The following COL5A1 variants were observed in gnomAD, a reference collection of about 807,000 sequenced individuals.
The protein encoded by COL5A1 is collagen alpha-1(V) chain.
COL5A1 carries 16 observed loss-of-function variants against 263.7 expected under a neutral mutation model. The observed-to-expected ratio is 0.06, with a 90% CI of 0.04 to 0.09. The LOEUF (loss-of-function observed/expected upper bound fraction) is 0.09. Among genes scored for constraint, COL5A1 ranks in the 10% least tolerant of loss-of-function variants. The probability of loss-of-function intolerance (pLI) is 1.00; values close to 1 mark genes in which losing one functional copy is unlikely to be tolerated. For missense variants in COL5A1, 2,036 were observed against 2,540.5 expected (o/e 0.80, Z 4.27); for synonymous variants, 1,012 against 1,004.5 (o/e 1.01, Z -0.14).
intron 18 of COL5A1, among the ~76,000 whole-genome samples, chr9:134,760,898 C>T (rs1220031067): frequency 6.7e-6 from 1 of 149,954 alleles, no homozygotes; most frequent in Non-Finnish European, 1.5e-5. Context: ...CCCACACACG[C>T]ATACACACAT....
At chr9:134,787,686 ATTCCC>A (rs1175229525) in intron 31 of COL5A1, among the ~76,000 whole-genome samples, 2 of 152,232 alleles carry the variant, frequency 1.3e-5, no homozygotes, top group African/African-American at 2.4e-5. Flanking sequence ...ATTTGCATTC[ATTCCC>A]AACTCTGCAA....
At chr9:134,776,577 GGGTGGCAGTGAT>G (rs1342959183) in intron 27 of COL5A1, among the ~76,000 whole-genome samples, 1 of 152,214 alleles carries the variant, frequency 6.6e-6, no homozygotes, top group Non-Finnish European at 1.5e-5. Flanking sequence ...AGTTTGGCCC[GGGTGGCAGTGAT>G]GGTGGCAGGG....
rs1387743648 is a variant in COL5A1 at position 134,652,674 on chromosome 9, T to C, written c.109+10378T>C. 2 of 470,600 alleles carry C rather than the reference T, an allele frequency of 4.2e-6. No homozygotes were observed. The highest frequency in any genetic ancestry group is 2.0e-5 in the African/African-American group (1 of 50,044). The allele number at this position is 470,600 out of a possible 1,614,324, so 29.2% of individuals were successfully genotyped here. ...CCCGGAGGCTGCAGGAATCGTGGGA[T>C]AGAGGAAGCAAAGGTGAGATTCCGT... On this transcript the variant is annotated intron_variant, in intron 1 of 65. Coordinates refer to ENST00000371817, the MANE Select transcript of COL5A1 (RefSeq NM_000093.5). This position sits in a 1 kb window ranked among gnomAD's most constrained non-coding sequence, Gnocchi z 4.4.
intron 26 of COL5A1, among the ~76,000 whole-genome samples, chr9:134,774,506 G>A (rs926336260): frequency 1.3e-5 from 2 of 152,216 alleles, no homozygotes; most frequent in Admixed American, 6.5e-5. Context: ...AGGACCTTAG[G>A]CTGGGAATGC....
intron 64 of COL5A1, among the ~76,000 whole-genome samples, chr9:134,831,650 G>C (rs1839633347): frequency 3.3e-5 from 5 of 152,182 alleles, no homozygotes. Flanking sequence ...GTTACCGCCT[G>C]CGCTTGGCAC....
chr9:134,787,884 G>A (rs1054180602), intron 31 of COL5A1, among the ~76,000 whole-genome samples: 1 of 152,204 alleles, frequency 6.6e-6, no homozygotes, highest in Non-Finnish European at 1.5e-5. Flanking sequence ...TGGTGGCAGG[G>A]GAGGGAGCAT....
At chr9:134,759,450 C>G (rs1382209932) in intron 18 of COL5A1, among the ~76,000 whole-genome samples, 4 of 119,684 alleles carry the variant, frequency 3.3e-5, no homozygotes, top group Non-Finnish European at 6.4e-5. Flanking sequence ...CCCACACCCA[C>G]ACACTCATAC....
At chr9:134,656,016 G>T (rs923399952) in intron 1 of COL5A1, among the ~76,000 whole-genome samples, 2 of 152,180 alleles carry the variant, frequency 1.3e-5, no homozygotes, top group Non-Finnish European at 2.9e-5. Context: ...AGCAAAGGAG[G>T]GTGGGCAGGT....
At chr9:134,668,808 C>T (rs947755291) in intron 1 of COL5A1, among the ~76,000 whole-genome samples, 2 of 152,068 alleles carry the variant, frequency 1.3e-5, no homozygotes, top group African/African-American at 4.8e-5. Flanking sequence ...ACTGTTCATC[C>T]ACCTGTCCAC....
intron 42 of COL5A1, among the ~76,000 whole-genome samples, chr9:134,808,123 G>T (rs1417998656): frequency 6.6e-6 from 1 of 152,190 alleles, no homozygotes; most frequent in African/African-American, 2.4e-5. Flanking sequence ...AGTTTGAGGA[G>T]CAGGACATGA....
intron 64 of COL5A1, among the ~76,000 whole-genome samples, chr9:134,832,491 G>C (rs1025197363): frequency 6.6e-6 from 1 of 152,222 alleles, no homozygotes; most frequent in Non-Finnish European, 1.5e-5. Flanking sequence ...GAATACTGCA[G>C]AGAATCCCTC....
Position 134,758,340 on chromosome 9 carries a change from A to C in COL5A1, c.1935+44A>C. ...AGACACAGGCATGACGATGGGCAGC[A>C]GAGGTGTCTCTCGGGAGGCCCTTCT... On this transcript the variant is annotated intron_variant, in intron 18 of 65. Coordinates refer to ENST00000371817, the MANE Select transcript of COL5A1 (RefSeq NM_000093.5). This position sits in a 1 kb window ranked among gnomAD's most constrained non-coding sequence, Gnocchi z 4.1. The C allele has an allele frequency of 6.3e-7, 1 of 1,597,106 alleles. No homozygotes were observed. Among genetic ancestry groups the C allele is most frequent in the Non-Finnish European group, 8.6e-7 (1 of 1,164,682 alleles).
intron 32 of COL5A1, among the ~76,000 whole-genome samples, chr9:134,793,159 C>T (rs1837779034): frequency 6.6e-6 from 1 of 151,420 alleles, no homozygotes; most frequent in South Asian, 2.1e-4. Flanking sequence ...GGAGGGATCC[C>T]AGGAGCCCCT....
intron 4 of COL5A1, among the ~76,000 whole-genome samples, chr9:134,702,939 A>G (rs952238667): frequency 1.3e-5 from 2 of 152,220 alleles, no homozygotes; most frequent in African/African-American, 4.8e-5. Flanking sequence ...CCCTTATAGG[A>G]AGCCCCGGCT....
At chr9:134,710,755 G>GAC (rs1834008457) in intron 4 of COL5A1, among the ~76,000 whole-genome samples, 1 of 135,696 alleles carries the variant, frequency 7.4e-6, no homozygotes, top group African/African-American at 2.9e-5. Context: ...TGGGGGAGGG[G>GAC]CCCCATCTGT....
rs533433790 is a variant in COL5A1 at position 134,762,300 on chromosome 9, G to A, written c.1989+322G>A. On this transcript the variant is annotated intron_variant, in intron 19 of 65. Coordinates refer to ENST00000371817, the MANE Select transcript of COL5A1 (RefSeq NM_000093.5). ...CACTGGGAGGAAAGGTGGCCAGAGC[G>A]TTTACTGAGCTCAGCGTCTCTGCTT... 2.0e-3 allele frequency among the ~76,000 whole-genome samples: 307 copies of A among 152,374 alleles called. 1 individual carries two copies. The highest frequency in any genetic ancestry group is 6.9e-3 in the African/African-American group (289 of 41,588).
At chr9:134,671,588 G>C (rs1396087600) in intron 1 of COL5A1, among the ~76,000 whole-genome samples, 1 of 152,218 alleles carries the variant, frequency 6.6e-6, no homozygotes, top group Non-Finnish European at 1.5e-5. Context: ...GAGCCAGAGA[G>C]GAACCCCACT....
chr9:134,715,659 G>A (rs548208598), intron 4 of COL5A1, among the ~76,000 whole-genome samples: 5 of 152,312 alleles, frequency 3.3e-5, no homozygotes, highest in African/African-American at 4.8e-5. Context: ...TAACAAGCAT[G>A]ATGCTGCCTT....
At chr9:134,825,522 C>T (rs1041300193) in intron 62 of COL5A1, among the ~76,000 whole-genome samples, 4 of 152,244 alleles carry the variant, frequency 2.6e-5, no homozygotes, top group Middle Eastern at 3.4e-3. Context: ...GAGAGTAGGC[C>T]GGACCCCAAC....
Sources: allele counts gnomAD v4.1 joint callset (sites outside exome capture counted in the v4.1 genomes callset), GRCh38; gene constraint gnomAD v4.1.1; non-coding constraint Gnocchi (gnomAD v3.1); transcripts MANE v1.5; gene names NCBI Gene and HGNC (gene_info 2026-07-23, HGNC 2026-07-21).